Variants in BBOX1 observed in about 807,000 individuals in gnomAD.
BBOX1 encodes the protein gamma-butyrobetaine hydroxylase 1, also known as gamma-butyrobetaine dioxygenase.
A neutral mutation model predicts 41.6 loss-of-function variants in BBOX1; 35 were observed. The observed-to-expected ratio is 0.84, with a 90% CI of 0.64 to 1.11. The LOEUF is 1.11. BBOX1 is among the 50% of genes most tolerant of loss of function. BBOX1 has a pLI of 0.00. For missense variants in BBOX1, 458 were observed against 460.6 expected (o/e 0.99, Z 0.05); for synonymous variants, 163 against 154.7 (o/e 1.05, Z -0.40).
chr11:27,082,354 G>A (rs1348333), intron 4 of BBOX1, among the ~76,000 whole-genome samples: 92,049 of 151,986 alleles, frequency 0.61, 30,210 homozygotes, highest in East Asian at 0.94. Flanking sequence ...ACGGGGAGGT[G>A]TGTGGCACGT....
At chr11:27,086,169 A>G (rs1858032561) in intron 4 of BBOX1, among the ~76,000 whole-genome samples, 3 of 152,162 alleles carry the variant, frequency 2.0e-5, no homozygotes, top group African/African-American at 7.2e-5. Flanking sequence ...AGCTAAGATC[A>G]TTGATGAAGG....
intron 5 of BBOX1, among the ~76,000 whole-genome samples, chr11:27,109,720 G>A (rs1858989550): frequency 6.6e-6 from 1 of 152,008 alleles, no homozygotes; most frequent in African/African-American, 2.4e-5. Flanking sequence ...TTCTGGGACT[G>A]AAGAATCAGT....
intron 4 of BBOX1, among the ~76,000 whole-genome samples, chr11:27,092,115 T>G (rs1369917977): frequency 1.3e-5 from 2 of 151,954 alleles, no homozygotes; most frequent in African/African-American, 4.8e-5. Flanking sequence ...CAGAAACAGC[T>G]ATGCTGACAT....
chr11:27,084,282 C>G (rs1857956362), intron 4 of BBOX1, among the ~76,000 whole-genome samples: 1 of 152,152 alleles, frequency 6.6e-6, no homozygotes, highest in Admixed American at 6.5e-5. Flanking sequence ...CAGAGGTTTT[C>G]TTTCCTGTCT....
chr11:27,106,805 G>A (rs1324058205), intron 5 of BBOX1, among the ~76,000 whole-genome samples: 4 of 152,048 alleles, frequency 2.6e-5, no homozygotes, highest in Admixed American at 6.6e-5. Context: ...GCACCACATC[G>A]CACTTACTCC....
rs904298518 is a variant in BBOX1, at chr11:27,041,489, G to C, written c.-39+11G>C. ...CAGTTTCTTTACTTGGTAAGTTTTG[G>C]GTGGTTTGCTGTGTAAAGCATATCT... On this transcript the variant is annotated intron_variant, in intron 2 of 8. Coordinates refer to ENST00000263182, the MANE Select transcript of BBOX1 (RefSeq NM_003986.3). The C allele has an allele frequency of 7.9e-5, 12 of 152,138 alleles. No individual in the cohort carries two copies. Among genetic ancestry groups the C allele is most frequent in the African/African-American group, 2.9e-4 (12 of 41,422 alleles). 9.4% of individuals were successfully genotyped at this position (152,138 alleles called of 1,614,324 possible). A position where few individuals can be genotyped will look rare whatever the true frequency, so the allele number is the denominator to read the frequency against.
At chr11:27,059,392 G>C (rs139079120) in intron 4 of BBOX1, among the ~76,000 whole-genome samples, 18 of 152,328 alleles carry the variant, frequency 1.2e-4, no homozygotes, top group East Asian at 3.9e-4. Context: ...GTAAATATAA[G>C]AAAGCCTGGG....
intron 5 of BBOX1, among the ~76,000 whole-genome samples, chr11:27,105,951 A>C (rs1243358791): frequency 6.6e-6 from 1 of 152,174 alleles, no homozygotes; most frequent in Non-Finnish European, 1.5e-5. Context: ...ATTCTTAAAG[A>C]AAAGAATTTT....
intron 4 of BBOX1, among the ~76,000 whole-genome samples, chr11:27,065,688 C>T (rs1040798104): frequency 2.0e-5 from 3 of 152,088 alleles, no homozygotes; most frequent in Non-Finnish European, 4.4e-5. Context: ...AAAACACATA[C>T]CACATGTTCA....
rs527637111 is a variant in BBOX1, at chr11:27,056,805, C to T, written c.220-396C>T. ...TAAGCTGGCCAGGCATGGTGGCTCA[C>T]GCCTGTAATCCCAGCACTTTGGGAG... is the stretch of plus-strand genomic sequence containing the variant. On this transcript the variant is annotated intron_variant, in intron 3 of 8. Transcript: ENST00000263182. 2.8e-4 allele frequency among the ~76,000 whole-genome samples: 43 copies of T among 151,760 alleles called. 1 individual carries two copies. In the South Asian group the frequency reaches 7.1e-3, roughly 25 times the overall value.
At chr11:27,118,541 C>T (rs1859344752) in intron 6 of BBOX1, among the ~76,000 whole-genome samples, 1 of 151,968 alleles carries the variant, frequency 6.6e-6, no homozygotes, top group South Asian at 2.1e-4. Context: ...TTGCTTCACT[C>T]ACTGTTTTTG....
Position 27,091,411 on chromosome 11 carries a change from A to T in BBOX1, c.335-1757A>T, listed in dbSNP as rs1858237848. 2.6e-5 allele frequency among the ~76,000 whole-genome samples: 4 copies of T among 151,972 alleles called. 1 individual carries two copies. ...CAAATGACTATTGATTGGGTAGCTC[A>T]TATAATCAAGAAATACCAATAAACT... On this transcript the variant is annotated intron_variant, in intron 4 of 8. Transcript: ENST00000263182.
intron 3 of BBOX1, 117 bp from the exon 4 acceptor site, chr11:27,057,084 A>AAAAAAAAAAAAAAAAAAAAAAAAAAAG: frequency 2.6e-6 from 1 of 383,616 alleles, no homozygotes; most frequent in Non-Finnish European, 4.4e-6. Context: ...AAAAAAAAAA[A>AAAAAAAAAAAAAAAAAAAAAAAAAAAG]ATTAAGCAAA....
intron 5 of BBOX1, among the ~76,000 whole-genome samples, chr11:27,098,610 A>T (rs1858532472): frequency 6.6e-6 from 1 of 152,076 alleles, no homozygotes; most frequent in Non-Finnish European, 1.5e-5. Flanking sequence ...TTCTGGTAAG[A>T]TAATATTGAG....
rs74464531 is a variant in BBOX1, at chr11:27,086,776, T to C, written c.335-6392T>C. ...TGGGCAAAATAAATTGGAAAACTTC[T>C]GGAAAGGATTCACCATTCTAGATGC... On this transcript the variant is annotated intron_variant, in intron 4 of 8. Transcript: ENST00000263182. Among the ~76,000 whole-genome samples, 267 of 152,234 alleles carry C rather than the reference T, an allele frequency of 1.8e-3. 3 individuals carry two copies. The highest frequency in any genetic ancestry group is 6.1e-3 in the African/African-American group (255 of 41,568).
intron 4 of BBOX1, among the ~76,000 whole-genome samples, chr11:27,081,632 C>T (rs1357160991): frequency 1.3e-5 from 2 of 152,158 alleles, no homozygotes; most frequent in African/African-American, 4.8e-5. Context: ...AATCACCACA[C>T]TGTCTTCCAC....
intron 5 of BBOX1, among the ~76,000 whole-genome samples, chr11:27,105,894 C>T (rs182560089): frequency 1.3e-5 from 2 of 152,152 alleles, no homozygotes; most frequent in East Asian, 1.9e-4. Flanking sequence ...GTGGGTCTCT[C>T]GGCAGAAACT....
chr11:27,085,657 A>G (rs1032232272), intron 4 of BBOX1, among the ~76,000 whole-genome samples: 1 of 151,330 alleles, frequency 6.6e-6, no homozygotes, highest in Non-Finnish European at 1.5e-5. Context: ...TAACCCCACA[A>G]TGACCTCTAA....
At chr11:27,081,010 G>T (rs1172841720) in intron 4 of BBOX1, among the ~76,000 whole-genome samples, 1 of 152,098 alleles carries the variant, frequency 6.6e-6, no homozygotes, top group African/African-American at 2.4e-5. Context: ...TAAGGAAACT[G>T]AACTTAGAGA....
Sources: allele counts gnomAD v4.1 joint callset (sites outside exome capture counted in the v4.1 genomes callset), GRCh38; gene constraint gnomAD v4.1.1; transcripts MANE v1.5; gene names NCBI Gene and HGNC (gene_info 2026-07-23, HGNC 2026-07-21).